The following CDK15 variants were observed in gnomAD, a reference collection of about 807,000 sequenced individuals.
CDK15 encodes the protein cyclin dependent kinase 15.
Under a neutral mutation model 60.3 loss-of-function variants are expected in CDK15, and 62 were observed. The observed-to-expected ratio is 1.03, with a 90% confidence interval of 0.84 to 1.27. The LOEUF (loss-of-function observed/expected upper bound fraction) is 1.27, where lower values mean the gene tolerates loss of function less well. Among genes scored for constraint, CDK15 ranks in the 50% most tolerant of loss-of-function variants. CDK15 has a pLI of 0.00. For missense variants in CDK15, 541 were observed against 527.8 expected, an observed-to-expected ratio of 1.03 and a Z score of -0.25; for synonymous variants, 194 against 195.7, an observed-to-expected ratio of 0.99 and a Z score of 0.07.
chr2:201,859,744 G>A (rs1698307214), intron 10 of CDK15, among the ~76,000 whole-genome samples: 1 of 152,278 alleles, frequency 6.6e-6, no homozygotes, highest in Admixed American at 6.5e-5. Context: ...AATTTTGGGA[G>A]AGAAAAAGTT....
Position 201,882,107 on chromosome 2 carries a change from T to C in CDK15, c.1198+1940T>C, listed in dbSNP as rs1277226900. 2.0e-5 allele frequency among the ~76,000 whole-genome samples: 3 copies of C among 152,188 alleles called. No homozygotes were observed. The highest frequency in any genetic ancestry group is 7.2e-5 in the African/African-American group (3 of 41,436). On this transcript the variant is annotated intron_variant, in intron 12 of 13. Transcript: ENST00000652192. The surrounding 1 kb of genome is among the most constrained non-coding windows in gnomAD (Gnocchi z 4.0). Reference sequence around the variant, plus strand: ...TAGAAACTTGGGTTTTGATTTTTCCTGGCTGACCCAAAAGCAAAGCCACCA... The same window carrying C: ...TAGAAACTTGGGTTTTGATTTTTCCCGGCTGACCCAAAAGCAAAGCCACCA...
chr2:201,886,228 C>T lies in CDK15; in HGVS notation c.1199-4557C>T, dbSNP rs139106813. The stretch of plus-strand genomic sequence containing the variant: ...ATTTATGTTGAATAGAGATTTACAC[C>T]CCAGGACCAACTTCTTCCTCAATGC... On this transcript the variant is annotated intron_variant, in intron 12 of 13. Transcript: ENST00000652192. Among the ~76,000 whole-genome samples, 29 of 152,162 alleles carry T rather than the reference C, an allele frequency of 1.9e-4. No homozygotes were observed. The East Asian group carries it at 5.2e-3, about 27-fold the overall frequency.
chr2:201,810,533 ATATC>A (rs1026590449), intron 3 of CDK15, among the ~76,000 whole-genome samples: 32 of 152,212 alleles, frequency 2.1e-4, no homozygotes, highest in Non-Finnish European at 1.0e-4. Context: ...TATAAAATAA[ATATC>A]TATGAGTCCG....
chr2:201,844,554 A>G (rs531132031), intron 8 of CDK15, among the ~76,000 whole-genome samples: 1 of 152,364 alleles, frequency 6.6e-6, no homozygotes, highest in East Asian at 1.9e-4. Context: ...TAATAATTCT[A>G]CAAATTTACC....
chr2:201,837,447 AAAGGAAGG>A (rs541662770), intron 8 of CDK15, among the ~76,000 whole-genome samples: 7,132 of 61,026 alleles, frequency 0.12, 472 homozygotes, highest in East Asian at 0.15. Flanking sequence ...GGAAGGAAGG[AAAGGAAGG>A]AAGGAAGGAA....
chr2:201,880,189 T>C, intron 12 of CDK15, 22 bp downstream of exon 12: 1 of 1,612,258 alleles, frequency 6.2e-7, no homozygotes, highest in South Asian at 1.1e-5. Flanking sequence ...AGTGTGTGCG[T>C]GTGCGTGAGT....
At position 201,882,919 on chromosome 2, in the gene CDK15, C is replaced by T. The variant is rs1286991216; in HGVS notation, c.1198+2752C>T. Among the ~76,000 whole-genome samples, 1 of 152,142 alleles carries T rather than the reference C, an allele frequency of 6.6e-6. No individual in the cohort carries two copies. The highest frequency in any genetic ancestry group is 1.9e-4 in the East Asian group (1 of 5,194). On this transcript the variant is annotated intron_variant, in intron 12 of 13. Coordinates refer to ENST00000652192, the MANE Select transcript of CDK15 (RefSeq NM_001366386.2). The surrounding 1 kb of genome is among the most constrained non-coding windows in gnomAD (Gnocchi z 4.0). ...AGTGCCAGCCTGCTTTTTCATTGCC[C>T]CTGGCAATGAGCCTTTATTAACAGC...
Position 201,879,880 on chromosome 2 carries a change from A to C in CDK15, c.1059-148A>C, listed in dbSNP as rs1166182717. 3 of 1,061,098 alleles carry C rather than the reference A, an allele frequency of 2.8e-6. No individual in the cohort carries two copies. In the African/African-American group the frequency reaches 4.8e-5, roughly 17 times the overall value. The allele number at this position is 1,061,098 out of a possible 1,614,324, so 65.7% of individuals were successfully genotyped here. A position where few individuals can be genotyped will look rare whatever the true frequency, so the allele number is the denominator to read the frequency against. On this transcript the variant is annotated intron_variant, in intron 11 of 13. Coordinates refer to ENST00000652192, the MANE Select transcript of CDK15 (RefSeq NM_001366386.2). ...AGTTTAGTATGGGGGTTACTTTTCC[A>C]GTTGCCATCAACTTTAGCAATTCCA...
At position 201,836,073 on chromosome 2, in the gene CDK15, T is replaced by TCTATATATATATTTATATATA. The variant is rs56275763; in HGVS notation, c.851+310_851+311insCTATATATATATTTATATATA. Among the ~76,000 whole-genome samples, 54 of 106,664 alleles carry TCTATATATATATTTATATATA rather than the reference T, an allele frequency of 5.1e-4. 2 individuals are homozygous for TCTATATATATATTTATATATA. The South Asian group carries it at 0.013, about 26-fold the overall frequency. 70.0% of individuals were successfully genotyped at this position (106,664 alleles called of 152,430 possible). On this transcript the variant is annotated intron_variant, in intron 8 of 13. Transcript: ENST00000652192. Reference sequence around the variant, plus strand: ...TATATATATATTATATATATTTATATTTATATATATTTATATATTTATATA... The same window carrying TCTATATATATATTTATATATA: ...TATATATATATTATATATATTTATATCTATATATATATTTATATATATTATATATATTTATATATTTATATA...
At chr2:201,807,345 T>A in intron 1 of CDK15, 149 bp from the exon 2 acceptor site, 1 of 695,262 alleles carries the variant, frequency 1.4e-6, no homozygotes, top group Non-Finnish European at 2.3e-6. Flanking sequence ...TTTTCAGGGA[T>A]CTTTCAAGAA....
chr2:201,871,484 T>C lies in CDK15; in HGVS notation c.1010-794T>C, dbSNP rs144347429. Among the ~76,000 whole-genome samples, 374 of 151,170 alleles carry C rather than the reference T, an allele frequency of 2.5e-3. 1 individual carries two copies. Among genetic ancestry groups the C allele is most frequent in the African/African-American group, 8.6e-3 (353 of 41,188 alleles). On this transcript the variant is annotated intron_variant, in intron 10 of 13. Coordinates refer to ENST00000652192, the MANE Select transcript of CDK15 (RefSeq NM_001366386.2). ...TTTTTTTTTTTTAACCACTTTTGAG[T>C]CTTTAAGACTGCCTCATTATTCATC...
intron 6 of CDK15, 97 bp from the exon 7 acceptor site, chr2:201,833,751 T>G: frequency 8.7e-7 from 1 of 1,146,968 alleles, no homozygotes; most frequent in Non-Finnish European, 1.2e-6. Context: ...CAAGAGACAC[T>G]TTTACTATAT....
chr2:201,845,558 C>T (rs555239405), intron 8 of CDK15, among the ~76,000 whole-genome samples: 202 of 146,028 alleles, frequency 1.4e-3, no homozygotes, highest in African/African-American at 5.0e-3. Context: ...TCAAGACCAG[C>T]CTGGACAACA....
Position 201,875,335 on chromosome 2 carries a change from A to G in CDK15, c.1058+3009A>G, listed in dbSNP as rs144839612. On this transcript the variant is annotated intron_variant, in intron 11 of 13. Coordinates refer to ENST00000652192, the MANE Select transcript of CDK15 (RefSeq NM_001366386.2). ...AGCACGCTCTTAGGCTGCTGGCAGA[A>G]ATGGAAATTGGTACAGCTCTTCTAG... 5.8e-3 allele frequency among the ~76,000 whole-genome samples: 891 copies of G among 152,322 alleles called. 7 individuals carry two copies. Among genetic ancestry groups the G allele is most frequent in the African/African-American group, 0.021 (855 of 41,558 alleles).
chr2:201,857,534 C>T (rs1036528528), intron 10 of CDK15, among the ~76,000 whole-genome samples: 1 of 151,888 alleles, frequency 6.6e-6, no homozygotes, highest in Non-Finnish European at 1.5e-5. Flanking sequence ...ATTCATTCAC[C>T]CACACTCTTT....
intron 6 of CDK15, among the ~76,000 whole-genome samples, chr2:201,826,186 C>T (rs1239413690): frequency 3.9e-5 from 6 of 152,258 alleles, no homozygotes; most frequent in Admixed American, 3.3e-4. Context: ...ATCGGCCGGG[C>T]GCAGTGGCTC....
intron 12 of CDK15, among the ~76,000 whole-genome samples, chr2:201,883,750 C>T (rs1699361226): frequency 6.6e-6 from 1 of 152,234 alleles, no homozygotes; most frequent in Non-Finnish European, 1.5e-5. Flanking sequence ...CCCACTCAGA[C>T]ACCGGCTTAT....
intron 8 of CDK15, among the ~76,000 whole-genome samples, chr2:201,841,212 C>G (rs572583434): frequency 4.8e-4 from 73 of 152,288 alleles, no homozygotes; most frequent in African/African-American, 1.6e-3. Flanking sequence ...CAACCTATAT[C>G]TCTTACCTTT....
intron 11 of CDK15, among the ~76,000 whole-genome samples, chr2:201,873,532 T>A (rs1440899269): frequency 2.6e-5 from 4 of 152,214 alleles, no homozygotes; most frequent in African/African-American, 7.2e-5. Context: ...ATGCTGCTGC[T>A]GCTGCAGCTG....
Sources: gnomAD v4.1 joint callset for allele counts (sites outside exome capture counted in the v4.1 genomes callset) on GRCh38, gnomAD v4.1.1 for gene constraint, Gnocchi (gnomAD v3.1) non-coding constraint, MANE v1.5 for transcripts, NCBI Gene and HGNC (gene_info 2026-07-23, HGNC 2026-07-21) for gene names.